The following CDIN1 variants were observed in gnomAD, a reference collection of about 807,000 sequenced individuals.
CDIN1 encodes CDAN1 interacting nuclease 1.
A neutral mutation model predicts 45.3 loss-of-function variants in CDIN1; 33 were observed. The observed-to-expected ratio is 0.73, with a 90% confidence interval of 0.55 to 0.97. The LOEUF is 0.97. Among genes scored for constraint, CDIN1 ranks in the 50% least tolerant of loss-of-function variants. The pLI is 0.00. For missense variants in CDIN1, 303 were observed against 339.4 expected, an observed-to-expected ratio of 0.89 and a Z score of 0.84; for synonymous variants, 118 against 124.4, an observed-to-expected ratio of 0.95 and a Z score of 0.34.
intron 5 of CDIN1, chr15:36,691,384 T>A (rs533048622): frequency 2.3e-5 from 7 of 304,610 alleles, no homozygotes; most frequent in African/African-American, 1.3e-4. Flanking sequence ...TTTTTTTTTT[T>A]ACCCCAAATG....
intron 1 of CDIN1, among the ~76,000 whole-genome samples, chr15:36,632,525 A>G (rs1437236562): frequency 6.6e-6 from 1 of 152,188 alleles, no homozygotes; most frequent in African/African-American, 2.4e-5. Context: ...CTTTATCTGC[A>G]TAATAAGATG....
intron 10 of CDIN1, chr15:36,746,908 C>A: frequency 2.5e-6 from 1 of 397,310 alleles, no homozygotes; most frequent in Non-Finnish European, 4.4e-6. Flanking sequence ...TGCCACCATG[C>A]CCAGCTAATT....
chr15:36,646,262 A>T (rs2140414975), intron 3 of CDIN1, among the ~76,000 whole-genome samples: 1 of 152,328 alleles, frequency 6.6e-6, no homozygotes, highest in East Asian at 1.9e-4. Flanking sequence ...ATGTTTCGGT[A>T]ATCATTTTAT....
At chr15:36,589,455 A>G (rs2037462456) in intron 1 of CDIN1, among the ~76,000 whole-genome samples, 1 of 151,922 alleles carries the variant, frequency 6.6e-6, no homozygotes, top group Admixed American at 6.6e-5. Flanking sequence ...CAGTGAATAC[A>G]TTTAAGCTGC....
chr15:36,759,493 T>A (rs780833287), intron 10 of CDIN1, among the ~76,000 whole-genome samples: 2 of 149,024 alleles, frequency 1.3e-5, no homozygotes, highest in Non-Finnish European at 1.5e-5. Context: ...TTTTAATTTC[T>A]AAAAAAAAAA....
chr15:36,580,288 A>G lies in CDIN1; in HGVS notation c.101+327A>G, dbSNP rs2036981745. Among the ~76,000 whole-genome samples, 5 of 152,206 alleles carry G rather than the reference A, an allele frequency of 3.3e-5. No individual in the cohort carries two copies. The South Asian group carries it at 1.0e-3, about 32-fold the overall frequency. ...GACCAGAGGTTAATTGACAGATAGT[A>G]GGAATGAATGATGGGTGGGAATATG... On this transcript the variant is annotated intron_variant, in intron 1 of 10. Coordinates refer to ENST00000566621, the MANE Select transcript of CDIN1 (RefSeq NM_001321759.2).
At chr15:36,628,735 G>A (rs993508393) in intron 1 of CDIN1, among the ~76,000 whole-genome samples, 4 of 152,124 alleles carry the variant, frequency 2.6e-5, no homozygotes, top group Non-Finnish European at 4.4e-5. Flanking sequence ...GGTGGTGGCC[G>A]AAAAGTAAGT....
intron 1 of CDIN1, among the ~76,000 whole-genome samples, chr15:36,590,851 A>C (rs1338126589): frequency 6.6e-6 from 1 of 152,224 alleles, no homozygotes; most frequent in Non-Finnish European, 1.5e-5. Flanking sequence ...GGAAAGGTCT[A>C]CTAAGCTTTG....
chr15:36,618,646 G>A, intron 1 of CDIN1: 1 of 822,060 alleles, frequency 1.2e-6, no homozygotes, highest in Non-Finnish European at 2.2e-6. Flanking sequence ...AGTGTTGAGA[G>A]TTAGTTGCCC....
At chr15:36,618,291 A>T in intron 1 of CDIN1, 1 of 667,186 alleles carries the variant, frequency 1.5e-6, no homozygotes, top group Non-Finnish European at 2.7e-6. Flanking sequence ...AATTGAACAG[A>T]TCTAGTTCAA....
At chr15:36,674,826 G>A (rs564435603) in intron 5 of CDIN1, among the ~76,000 whole-genome samples, 17 of 152,088 alleles carry the variant, frequency 1.1e-4, no homozygotes, top group Admixed American at 5.2e-4. Context: ...GTCATGAGGC[G>A]TCCTAACTCA....
chr15:36,748,023 A>G (rs1254469623), intron 10 of CDIN1, among the ~76,000 whole-genome samples: 1 of 152,214 alleles, frequency 6.6e-6, no homozygotes, highest in Non-Finnish European at 1.5e-5. Context: ...AATATAGCTG[A>G]GTAGAAAGGG....
At chr15:36,701,590 C>T (rs951035184) in intron 8 of CDIN1, among the ~76,000 whole-genome samples, 7 of 152,248 alleles carry the variant, frequency 4.6e-5, no homozygotes, top group East Asian at 3.9e-4. Flanking sequence ...GAGGGACTTC[C>T]GTTAGTGACT....
At chr15:36,748,310 A>T (rs2044519361) in intron 10 of CDIN1, among the ~76,000 whole-genome samples, 1 of 152,230 alleles carries the variant, frequency 6.6e-6, no homozygotes, top group South Asian at 2.1e-4. Flanking sequence ...ACGGGATGAG[A>T]TGTTTTGCAG....
intron 1 of CDIN1, among the ~76,000 whole-genome samples, chr15:36,601,447 G>A (rs1331149372): frequency 6.6e-6 from 1 of 152,110 alleles, no homozygotes; most frequent in Non-Finnish European, 1.5e-5. Context: ...GTGGTCTTTG[G>A]CATGGATATT....
chr15:36,584,804 G>A (rs989995572), intron 1 of CDIN1, among the ~76,000 whole-genome samples: 1 of 152,182 alleles, frequency 6.6e-6, no homozygotes, highest in African/African-American at 2.4e-5. Context: ...GAAAGTTCAC[G>A]CAGACGTCAG....
rs962709883 is a variant in CDIN1 at position 36,618,254 on chromosome 15, A to G, written c.102-26024A>G. 11 of 668,744 alleles carry G rather than the reference A, an allele frequency of 1.6e-5. No homozygotes were observed. In the African/African-American group the frequency reaches 1.8e-4, roughly 11 times the overall value. The allele number at this position is 668,744 out of a possible 1,614,324, so 41.4% of individuals were successfully genotyped here. On this transcript the variant is annotated intron_variant, in intron 1 of 10. Coordinates refer to ENST00000566621, the MANE Select transcript of CDIN1 (RefSeq NM_001321759.2). Reference sequence around the variant, plus strand: ...TCCAGTGGTTCAGAACACTCAACAGAGGACTCTGTATCATTGGGGGATGGA... The same window carrying G: ...TCCAGTGGTTCAGAACACTCAACAGGGGACTCTGTATCATTGGGGGATGGA...
intron 10 of CDIN1, among the ~76,000 whole-genome samples, chr15:36,720,911 C>G (rs2043391522): frequency 6.6e-6 from 1 of 152,118 alleles, no homozygotes; most frequent in South Asian, 2.1e-4. Flanking sequence ...AAAAGCATTC[C>G]TATTTCTGCA....
intron 10 of CDIN1, among the ~76,000 whole-genome samples, chr15:36,760,453 T>C (rs982276288): frequency 7.9e-5 from 12 of 152,218 alleles, no homozygotes; most frequent in African/African-American, 2.9e-4. Flanking sequence ...TCTAGTAACC[T>C]AAAACAAACA....
Sources: allele counts gnomAD v4.1 joint callset (sites outside exome capture counted in the v4.1 genomes callset), GRCh38; gene constraint gnomAD v4.1.1; transcripts MANE v1.5; gene names NCBI Gene and HGNC (gene_info 2026-07-23, HGNC 2026-07-21).